ANO4: variants seen among roughly 807,000 people sequenced by gnomAD.
ANO4 encodes the protein anoctamin 4, also known as anoctamin-4.
Under a neutral mutation model 141.9 loss-of-function variants are expected in ANO4, and 69 were observed. That is an observed-to-expected ratio of 0.49 (90% CI 0.40 to 0.59). The LOEUF is 0.59. Among genes scored for constraint, ANO4 ranks in the 20% least tolerant of loss-of-function variants. The pLI, the probability that ANO4 is intolerant of heterozygous loss-of-function variation, is 0.00. For missense variants in ANO4, 894 were observed against 1,162.2 expected, an observed-to-expected ratio of 0.77 and a Z score of 3.36; for synonymous variants, 350 against 394.3, an observed-to-expected ratio of 0.89 and a Z score of 1.33.
intron 14 of ANO4, among the ~76,000 whole-genome samples, chr12:101,052,228 G>A (rs955857841): frequency 5.9e-5 from 9 of 152,166 alleles, no homozygotes; most frequent in African/African-American, 4.8e-5. Flanking sequence ...TTCAGGTCAC[G>A]TCTGTGTGAG....
intron 1 of ANO4, among the ~76,000 whole-genome samples, chr12:100,846,381 C>T (rs1465368804): frequency 6.6e-6 from 1 of 152,148 alleles, no homozygotes; most frequent in Non-Finnish European, 1.5e-5. Context: ...TGTACAGTTT[C>T]CCCCAATGGT....
At chr12:100,957,112 G>A (rs1020637798) in intron 5 of ANO4, among the ~76,000 whole-genome samples, 1 of 152,214 alleles carries the variant, frequency 6.6e-6, no homozygotes, top group African/African-American at 2.4e-5. Context: ...GGTAATTTAT[G>A]AAGAAAATAT....
chr12:100,820,038 T>C (rs1330332412), intron 1 of ANO4, among the ~76,000 whole-genome samples: 1 of 151,984 alleles, frequency 6.6e-6, no homozygotes, highest in Non-Finnish European at 1.5e-5. Flanking sequence ...CTGCATATTA[T>C]AGGCTCTGTC....
intron 7 of ANO4, among the ~76,000 whole-genome samples, chr12:100,986,547 G>A (rs1352653173): frequency 6.6e-6 from 1 of 152,128 alleles, no homozygotes; most frequent in Non-Finnish European, 1.5e-5. Flanking sequence ...CCTTAACTTA[G>A]CCAAGTTGAC....
At chr12:101,048,495 C>T in intron 14 of ANO4, 94 bp downstream of exon 14, 1 of 1,173,148 alleles carries the variant, frequency 8.5e-7, no homozygotes, top group Non-Finnish European at 1.2e-6. Context: ...AAGAAAGAAG[C>T]TTGAGTAAAT....
intron 1 of ANO4, among the ~76,000 whole-genome samples, chr12:100,798,763 C>T (rs1040099023): frequency 6.6e-6 from 1 of 152,192 alleles, no homozygotes; most frequent in Non-Finnish European, 1.5e-5. Context: ...ATTTAATTCT[C>T]CAGTCAGGCT....
intron 8 of ANO4, among the ~76,000 whole-genome samples, chr12:101,000,890 A>G (rs543322858): frequency 1.3e-5 from 2 of 152,328 alleles, no homozygotes; most frequent in African/African-American, 4.8e-5. Flanking sequence ...TCACTTGGAA[A>G]TATTTTATTA....
At chr12:100,799,457 C>A (rs1259944953) in intron 1 of ANO4, among the ~76,000 whole-genome samples, 1 of 152,092 alleles carries the variant, frequency 6.6e-6, no homozygotes, top group Non-Finnish European at 1.5e-5. Context: ...TCAAAAAGGA[C>A]CTTGGCCAGG....
chr12:100,787,789 ATGTCAT>A (rs1308209995), intron 3 of ANO4, among the ~76,000 whole-genome samples: 1 of 152,184 alleles, frequency 6.6e-6, no homozygotes, highest in Non-Finnish European at 1.5e-5. Flanking sequence ...ATTTTGATAA[ATGTCAT>A]TTTCTTTGGG....
intron 2 of ANO4, among the ~76,000 whole-genome samples, chr12:100,916,385 G>A (rs538864522): frequency 3.3e-5 from 5 of 152,154 alleles, no homozygotes; most frequent in Admixed American, 6.5e-5. Flanking sequence ...AAATCAGAGC[G>A]TCTTCTTAGT....
intron 5 of ANO4, among the ~76,000 whole-genome samples, chr12:100,948,056 T>C (rs1037755910): frequency 2.1e-5 from 3 of 143,144 alleles, no homozygotes; most frequent in African/African-American, 7.9e-5. Flanking sequence ...TAGCCGGCTG[T>C]GGTGGCGGAC....
intron 10 of ANO4, chr12:101,038,360 T>C (rs144836176): frequency 2.1e-4 from 32 of 151,978 alleles, no homozygotes; most frequent in African/African-American, 7.2e-4. Flanking sequence ...CAGCTCATGG[T>C]ATGGGCTGTG....
intron 3 of ANO4, among the ~76,000 whole-genome samples, chr12:100,786,867 T>C (rs2033889080): frequency 6.6e-6 from 1 of 152,218 alleles, no homozygotes; most frequent in African/African-American, 2.4e-5. Flanking sequence ...TTCTTTGTAC[T>C]GAAGAATTTT....
chr12:100,886,371 TGAA>T (rs2039829806), intron 1 of ANO4, among the ~76,000 whole-genome samples: 1 of 125,278 alleles, frequency 8.0e-6, no homozygotes, highest in African/African-American at 3.5e-5. Flanking sequence ...AAGTATGTTG[TGAA>T]GATCGTTGCT....
chr12:100,823,532 A>G (rs1393981865), intron 1 of ANO4, among the ~76,000 whole-genome samples: 1 of 152,060 alleles, frequency 6.6e-6, no homozygotes, highest in African/African-American at 2.4e-5. Flanking sequence ...TCACTTTTAC[A>G]TAAAAGATAG....
intron 9 of ANO4, among the ~76,000 whole-genome samples, chr12:101,026,229 A>C (rs1275884888): frequency 6.6e-6 from 1 of 152,220 alleles, no homozygotes; most frequent in Non-Finnish European, 1.5e-5. Flanking sequence ...CTCAATCTGC[A>C]ACAAACAGTG....
intron 5 of ANO4, among the ~76,000 whole-genome samples, chr12:100,960,734 C>T (rs2043383572): frequency 6.6e-6 from 1 of 152,114 alleles, no homozygotes; most frequent in Admixed American, 6.6e-5. Context: ...ATCTCTGCAG[C>T]GTACTAAGGG....
chr12:101,089,649 A>G (rs923735609), intron 17 of ANO4, among the ~76,000 whole-genome samples: 1 of 152,236 alleles, frequency 6.6e-6, no homozygotes, highest in Non-Finnish European at 1.5e-5. Flanking sequence ...AATTTAATTT[A>G]TACATCTTCT....
chr12:100,817,433 A>T (rs967045220), intron 1 of ANO4, among the ~76,000 whole-genome samples: 2 of 151,872 alleles, frequency 1.3e-5, no homozygotes, highest in Non-Finnish European at 2.9e-5. Flanking sequence ...ATAATTGAGG[A>T]GATTCAAAGC....
Sources: allele counts gnomAD v4.1 joint callset (sites outside exome capture counted in the v4.1 genomes callset), GRCh38; gene constraint gnomAD v4.1.1; transcripts MANE v1.5; gene names NCBI Gene and HGNC (gene_info 2026-07-23, HGNC 2026-07-21).